The following NECAB1 variants were observed in gnomAD, a reference collection of about 807,000 sequenced individuals.
NECAB1 encodes the protein N-terminal EF-hand calcium binding protein 1.
Under a neutral mutation model 57.5 loss-of-function variants are expected in NECAB1, and 29 were observed. That is an observed-to-expected ratio of 0.50 (90% confidence interval 0.38 to 0.69). The LOEUF (loss-of-function observed/expected upper bound fraction) is 0.69, where lower values mean the gene tolerates loss of function less well. Among genes scored for constraint, NECAB1 ranks in the 30% least tolerant of loss-of-function variants. The pLI is 0.00. For synonymous variants in NECAB1, 142 were observed against 147.7 expected (o/e 0.96, Z 0.28); for missense variants, 372 against 413.8 (o/e 0.90, Z 0.88).
chr8:90,945,080 T>C (rs1265851179), intron 10 of NECAB1, among the ~76,000 whole-genome samples: 2 of 152,040 alleles, frequency 1.3e-5, no homozygotes, highest in African/African-American at 4.8e-5. Context: ...TTATTTTTTT[T>C]TGAGATGGAG....
In NECAB1 at chr8:90,916,415, A is replaced by G. The variant is rs1035079506; in HGVS notation, c.358-1077A>G. 1.8e-4 allele frequency among the ~76,000 whole-genome samples: 27 copies of G among 152,308 alleles called. No homozygotes were observed. The Middle Eastern group carries it at 0.01, about 58-fold the overall frequency. On this transcript the variant is annotated intron_variant, in intron 5 of 12. Coordinates refer to ENST00000417640, the MANE Select transcript of NECAB1 (RefSeq NM_022351.5). ...GAAAACTGAGAACCAGGAAGGTTAG[A>G]TACCTAAATCTTACTTGTTTGGGTT... is the stretch of plus-strand genomic sequence containing the variant.
At chr8:90,807,761 C>G (rs190855770) in intron 2 of NECAB1, among the ~76,000 whole-genome samples, 1 of 152,282 alleles carries the variant, frequency 6.6e-6, no homozygotes, top group East Asian at 1.9e-4. Context: ...GTAGGGTTCT[C>G]ACATAGCTCT....
intron 10 of NECAB1, among the ~76,000 whole-genome samples, chr8:90,947,504 G>A (rs541524087): frequency 6.6e-6 from 1 of 150,668 alleles, no homozygotes; most frequent in East Asian, 2.0e-4. Context: ...GGGTTCAAGC[G>A]ATTCTCCTGC....
At chr8:90,813,272 CTT>C (rs1194944440) in intron 2 of NECAB1, 1 of 147,974 alleles carries the variant, frequency 6.8e-6, no homozygotes, top group African/African-American at 2.5e-5. Context: ...CACACACACA[CTT>C]GTATAAGCAG....
At chr8:90,824,544 T>C (rs1166939860) in intron 2 of NECAB1, among the ~76,000 whole-genome samples, 173 bp from the exon 3 acceptor site, 2 of 151,936 alleles carry the variant, frequency 1.3e-5, no homozygotes, top group African/African-American at 4.8e-5. Flanking sequence ...ATCTGTGTTC[T>C]ATGTTATATA....
chr8:90,929,125 A>G (rs991046717), intron 8 of NECAB1, among the ~76,000 whole-genome samples: 5 of 152,164 alleles, frequency 3.3e-5, no homozygotes, highest in African/African-American at 1.2e-4. Flanking sequence ...TTTAAAAATT[A>G]TATGGTAGCA....
intron 10 of NECAB1, among the ~76,000 whole-genome samples, chr8:90,941,610 G>A (rs1810672192): frequency 6.6e-6 from 1 of 152,118 alleles, no homozygotes; most frequent in African/African-American, 2.4e-5. Context: ...TCTTATCAAA[G>A]GCTAGACATT....
intron 2 of NECAB1, chr8:90,806,647 C>T (rs1202740680): frequency 1.3e-5 from 2 of 152,228 alleles, no homozygotes; most frequent in African/African-American, 2.4e-5. Flanking sequence ...TGAGGTCACA[C>T]AAGCCCATGC....
At chr8:90,901,109 T>C (rs894182366) in intron 5 of NECAB1, among the ~76,000 whole-genome samples, 6 of 152,174 alleles carry the variant, frequency 3.9e-5, no homozygotes, top group Non-Finnish European at 8.8e-5. Flanking sequence ...TATAAAATTA[T>C]TAATTAAACA....
At chr8:90,945,260 G>C (rs1208422428) in intron 10 of NECAB1, among the ~76,000 whole-genome samples, 1 of 152,126 alleles carries the variant, frequency 6.6e-6, no homozygotes, top group East Asian at 1.9e-4. Context: ...TAGAGACAGG[G>C]TTTCACCCTG....
intron 2 of NECAB1, among the ~76,000 whole-genome samples, chr8:90,808,956 A>G (rs919789008): frequency 1.3e-5 from 2 of 151,862 alleles, no homozygotes; most frequent in Admixed American, 6.6e-5. Flanking sequence ...TTTCATCCTA[A>G]TTCTTATTCT....
rs2129736500 is a variant in NECAB1 at position 90,837,711 on chromosome 8, G to C, written c.233+12886G>C. 2.0e-5 allele frequency among the ~76,000 whole-genome samples: 3 copies of C among 152,286 alleles called. No individual in the cohort carries two copies. The Middle Eastern group carries it at 0.01, about 518-fold the overall frequency. On this transcript the variant is annotated intron_variant, in intron 3 of 12. Transcript: ENST00000417640. Reference sequence around the variant, plus strand: ...AGTGGAAATAATAGAATTGTGTCTAGTGTCTCTGAGTCTCTTCCACTGGCT... The same window carrying C: ...AGTGGAAATAATAGAATTGTGTCTACTGTCTCTGAGTCTCTTCCACTGGCT...
intron 3 of NECAB1, among the ~76,000 whole-genome samples, chr8:90,865,967 A>C (rs1808505034): frequency 6.6e-6 from 1 of 152,204 alleles, no homozygotes; most frequent in Non-Finnish European, 1.5e-5. Context: ...TGTTTCCTAC[A>C]GTCTTTACTG....
intron 5 of NECAB1, among the ~76,000 whole-genome samples, chr8:90,889,718 T>C (rs1327079349): frequency 1.3e-5 from 2 of 152,230 alleles, no homozygotes; most frequent in East Asian, 1.9e-4. Context: ...TCCTATGATA[T>C]AGTAGCTGGC....
At chr8:90,884,270 G>A (rs879567574) in intron 5 of NECAB1, among the ~76,000 whole-genome samples, 3 of 152,042 alleles carry the variant, frequency 2.0e-5, no homozygotes, top group Non-Finnish European at 2.9e-5. Flanking sequence ...CTGTCTTCAG[G>A]ATCTGTGTTG....
chr8:90,903,061 GATGT>G lies in NECAB1; in HGVS notation c.358-14424_358-14421del, dbSNP rs573901477. ...TATATGAATACAATTGACATGGAAAGATGTATGTATTTTTATGTGCAAATAACTG... is the reference window on the plus strand; with the variant it reads ...TATATGAATACAATTGACATGGAAAGATGTATTTTTATGTGCAAATAACTG... On this transcript the variant is annotated intron_variant, in intron 5 of 12. Transcript: ENST00000417640. 5.9e-5 allele frequency among the ~76,000 whole-genome samples: 9 copies of G among 151,940 alleles called. No individual in the cohort carries two copies. In the South Asian group the frequency reaches 1.2e-3, roughly 21 times the overall value.
At chr8:90,798,279 A>G (rs1811696671) in intron 1 of NECAB1, among the ~76,000 whole-genome samples, 2 of 152,206 alleles carry the variant, frequency 1.3e-5, no homozygotes, top group Non-Finnish European at 2.9e-5. Flanking sequence ...AGCAAACCCT[A>G]TTTCTTTTCT....
At position 90,805,365 on chromosome 8, in the gene NECAB1, G is replaced by A. The variant is rs116841338; in HGVS notation, c.124+3650G>A. Among the ~76,000 whole-genome samples, 183 of 147,742 alleles carry A rather than the reference G, an allele frequency of 1.2e-3. 5 individuals carry two copies. In the East Asian group the frequency reaches 0.034, roughly 28 times the overall value. On this transcript the variant is annotated intron_variant, in intron 2 of 12. Coordinates refer to ENST00000417640, the MANE Select transcript of NECAB1 (RefSeq NM_022351.5). Reference sequence around the variant, plus strand: ...GAGGCAATAGGCAGTATAATTGTTCGCCTGCCCAGAGGACAGATTTAGCTT... The same window carrying A: ...GAGGCAATAGGCAGTATAATTGTTCACCTGCCCAGAGGACAGATTTAGCTT...
intron 5 of NECAB1, among the ~76,000 whole-genome samples, chr8:90,885,513 T>C (rs909829717): frequency 6.6e-6 from 1 of 152,206 alleles, no homozygotes; most frequent in African/African-American, 2.4e-5. Flanking sequence ...ATATAGCACC[T>C]TGGAGTTTTC....
Sources: allele counts gnomAD v4.1 joint callset (sites outside exome capture counted in the v4.1 genomes callset), GRCh38; gene constraint gnomAD v4.1.1; transcripts MANE v1.5; gene names NCBI Gene and HGNC (gene_info 2026-07-23, HGNC 2026-07-21).